BBS9: variants seen among roughly 807,000 people sequenced by gnomAD.
BBS9 encodes the protein protein PTHB1.
BBS9 carries 89 observed loss-of-function variants against 117.7 expected under a neutral mutation model. The observed-to-expected ratio is 0.76, with a 90% CI of 0.64 to 0.90. BBS9 has a LOEUF of 0.90. Ranked by LOEUF, BBS9 falls within the 40% of genes least tolerant of loss-of-function variation. The pLI, the probability that BBS9 is intolerant of heterozygous loss-of-function variation, is 0.00. For missense variants in BBS9, 982 were observed against 1,042.2 expected, an observed-to-expected ratio of 0.94 and a Z score of 0.80; for synonymous variants, 379 against 370.9, an observed-to-expected ratio of 1.02 and a Z score of -0.25.
At position 33,490,251 on chromosome 7, in the gene BBS9, T is replaced by G. The variant is rs977907849; in HGVS notation, c.2116-15212T>G. 4.6e-5 allele frequency among the ~76,000 whole-genome samples: 7 copies of G among 152,186 alleles called. 1 individual carries two copies. In the South Asian group the frequency reaches 1.5e-3, roughly 32 times the overall value. On this transcript the variant is annotated intron_variant, in intron 19 of 22. Coordinates refer to ENST00000242067, the MANE Select transcript of BBS9 (RefSeq NM_198428.3). ...TGGACATTTCAAGAAAAGATCTGTTTTATACATAACACATTTACTTAGGTT... is the reference window on the plus strand; with the variant it reads ...TGGACATTTCAAGAAAAGATCTGTTGTATACATAACACATTTACTTAGGTT...
At chr7:33,191,404 T>A (rs1784096342) in intron 5 of BBS9, among the ~76,000 whole-genome samples, 1 of 152,178 alleles carries the variant, frequency 6.6e-6, no homozygotes, top group South Asian at 2.1e-4. Flanking sequence ...CCTGGTTCTG[T>A]AGCATTAATG....
intron 5 of BBS9, among the ~76,000 whole-genome samples, chr7:33,197,851 A>G (rs1404947922): frequency 6.6e-6 from 1 of 152,016 alleles, no homozygotes; most frequent in Non-Finnish European, 1.5e-5. Context: ...ATGACACCCA[A>G]GAATATTGAG....
chr7:33,303,654 A>G (rs977534085), intron 9 of BBS9, among the ~76,000 whole-genome samples: 2 of 151,160 alleles, frequency 1.3e-5, no homozygotes, highest in African/African-American at 4.9e-5. Context: ...GATTGCAGGC[A>G]TGTGCCGCCA....
chr7:33,132,485 A>C (rs906662862), intron 1 of BBS9, among the ~76,000 whole-genome samples: 1 of 152,254 alleles, frequency 6.6e-6, no homozygotes, highest in African/African-American at 2.4e-5. Flanking sequence ...ACTTAAAGAC[A>C]AATCAGTGAG....
At chr7:33,233,165 G>A (rs1000102837) in intron 5 of BBS9, among the ~76,000 whole-genome samples, 2 of 152,048 alleles carry the variant, frequency 1.3e-5, no homozygotes, top group Non-Finnish European at 2.9e-5. Context: ...TCTGAATCTT[G>A]GCACCCATTG....
intron 1 of BBS9, among the ~76,000 whole-genome samples, chr7:33,140,624 G>A (rs1401465691): frequency 6.6e-6 from 1 of 152,058 alleles, no homozygotes; most frequent in African/African-American, 2.4e-5. Context: ...TAGGTACTTG[G>A]CATATATAGT....
intron 21 of BBS9, among the ~76,000 whole-genome samples, chr7:33,586,693 C>A (rs763037148): frequency 2.0e-4 from 31 of 152,070 alleles, no homozygotes; most frequent in Non-Finnish European, 3.7e-4. Flanking sequence ...TACATATGCA[C>A]CATGGAGTAC....
chr7:33,256,854 G>C (rs768784912), intron 5 of BBS9, among the ~76,000 whole-genome samples: 26 of 152,038 alleles, frequency 1.7e-4, no homozygotes, highest in Non-Finnish European at 3.4e-4. Flanking sequence ...ATAGCCACTA[G>C]ATCTTTCTCA....
At chr7:33,558,530 G>T (rs908925596) in intron 21 of BBS9, among the ~76,000 whole-genome samples, 1 of 152,180 alleles carries the variant, frequency 6.6e-6, no homozygotes, top group African/African-American at 2.4e-5. Flanking sequence ...GATGGCGTTT[G>T]TAAGGTGGAC....
intron 4 of BBS9, among the ~76,000 whole-genome samples, chr7:33,160,281 A>G (rs1239931361): frequency 6.6e-6 from 1 of 152,178 alleles, no homozygotes; most frequent in Non-Finnish European, 1.5e-5. Flanking sequence ...GACTTCTTGG[A>G]AATGTTCTCT....
intron 19 of BBS9, among the ~76,000 whole-genome samples, chr7:33,475,068 T>C (rs369058492): frequency 5.9e-5 from 9 of 152,316 alleles, no homozygotes; most frequent in African/African-American, 4.8e-5. Context: ...AACCAATAAC[T>C]GGCAAGAAAA....
intron 20 of BBS9, among the ~76,000 whole-genome samples, chr7:33,518,149 A>G (rs545594963): frequency 1.3e-5 from 2 of 152,072 alleles, no homozygotes; most frequent in South Asian, 4.2e-4. Flanking sequence ...GGATGAGGCT[A>G]GGGCATGAGA....
At chr7:33,571,989 G>T (rs973029308) in intron 21 of BBS9, among the ~76,000 whole-genome samples, 1 of 151,690 alleles carries the variant, frequency 6.6e-6, no homozygotes, top group Non-Finnish European at 1.5e-5. Context: ...ATAAATTATT[G>T]TTAGCTATAG....
chr7:33,286,232 TCCAAGAAAATAATTTATA>T (rs1333970984), intron 9 of BBS9, among the ~76,000 whole-genome samples: 2 of 152,122 alleles, frequency 1.3e-5, no homozygotes, highest in African/African-American at 4.8e-5. Context: ...ACTCTCAATC[TCCAAGAAAATAATTTATA>T]CCGGTAGGAA....
intron 12 of BBS9, 44 bp downstream of exon 12, chr7:33,344,678 T>C: frequency 6.4e-7 from 1 of 1,553,486 alleles, no homozygotes; most frequent in Non-Finnish European, 8.9e-7. Flanking sequence ...ACAATATGAT[T>C]TATTTCATTA....
chr7:33,622,811 G>C (rs988586169), intron 21 of BBS9, among the ~76,000 whole-genome samples: 1 of 152,196 alleles, frequency 6.6e-6, no homozygotes, highest in East Asian at 1.9e-4. Context: ...TAATATTGCA[G>C]ATCAGTGGGT....
At chr7:33,451,481 C>G (rs1057193847) in intron 19 of BBS9, among the ~76,000 whole-genome samples, 2 of 151,982 alleles carry the variant, frequency 1.3e-5, no homozygotes, top group Non-Finnish European at 2.9e-5. Context: ...AGTCTTGGCA[C>G]CCTTGTTGAA....
At position 33,408,735 on chromosome 7, in the gene BBS9, G is replaced by T. The variant is rs553349501; in HGVS notation, c.2115+20591G>T. 7.9e-5 allele frequency among the ~76,000 whole-genome samples: 12 copies of T among 152,310 alleles called. No individual in the cohort carries two copies. In the South Asian group the frequency reaches 2.3e-3, roughly 29 times the overall value. On this transcript the variant is annotated intron_variant, in intron 19 of 22. Transcript: ENST00000242067. ...CCTTTGGGTCTGTACTCTGTAATGG[G>T]ATTGTTGGGTTGAATGATAGTTCAA... is the stretch of plus-strand genomic sequence containing the variant.
intron 10 of BBS9, among the ~76,000 whole-genome samples, chr7:33,338,210 G>T (rs1815779606): frequency 6.6e-6 from 1 of 151,562 alleles, no homozygotes; most frequent in Admixed American, 6.6e-5. Context: ...TTTTATTTCT[G>T]GGAAAGAAAC....
Sources: gnomAD v4.1 joint callset for allele counts (sites outside exome capture counted in the v4.1 genomes callset) on GRCh38, gnomAD v4.1.1 for gene constraint, MANE v1.5 for transcripts, NCBI Gene and HGNC (gene_info 2026-07-23, HGNC 2026-07-21) for gene names.